Variants in GZF1 observed in about 807,000 individuals in gnomAD.
GZF1 encodes the protein GDNF-inducible zinc finger protein 1.
GZF1 carries 28 observed loss-of-function variants against 49.4 expected under a neutral mutation model. The ratio of observed to expected loss-of-function variants is 0.57; its 90% CI spans 0.42 to 0.78. The LOEUF is 0.78. GZF1 is among the 30% of genes least tolerant of loss of function. GZF1 has a pLI of 0.00. For missense variants in GZF1, 798 were observed against 916.2 expected, an observed-to-expected ratio of 0.87 and a Z score of 1.67; for synonymous variants, 364 against 356.0, an observed-to-expected ratio of 1.02 and a Z score of -0.25.
At position 23,372,119 on chromosome 20, in the gene GZF1, A is replaced by G. The variant is rs1235334225; in HGVS notation, c.*1678A>G. The G allele has an allele frequency of 6.5e-6, 1 of 152,684 alleles. No individual in the cohort carries two copies. The highest frequency in any genetic ancestry group is 1.5e-5 in the Non-Finnish European group (1 of 68,044). The allele number at this position is 152,684 out of a possible 1,614,324, so 9.5% of individuals were successfully genotyped here. On this transcript the variant is annotated 3_prime_UTR_variant, in exon 6 of 6. Transcript: ENST00000338121. Reference sequence around the variant, plus strand: ...CCCAGCTGATGTACTGTTTTATGGAATAAAGTCACTTGATCAGAAGGAATT... The same window carrying G: ...CCCAGCTGATGTACTGTTTTATGGAGTAAAGTCACTTGATCAGAAGGAATT...
intron 4 of GZF1, 152 bp from the exon 5 acceptor site, chr20:23,369,432 G>A: frequency 1.5e-6 from 1 of 646,856 alleles, no homozygotes; most frequent in South Asian, 2.5e-5. Flanking sequence ...TGGATTTGTA[G>A]CCCTTAAGTT....
At position 23,370,183 on chromosome 20, in the gene GZF1, C is replaced by T. The variant is rs762380490; in HGVS notation, c.1878C>T (p.Asp626=). The change falls in exon 6 of 6, where the codon GAC becomes GAT. Residue 626 remains aspartate (D), a synonymous_variant. Transcript: ENST00000338121. ...NDDGHKTEQP[D]EEYVSSKLSD... Reference sequence around the variant, plus strand: ...ACGGACACAAGACTGAACAGCCTGACGAAGAGTATGTGTCATCCAAGCTTT... The same window carrying T: ...ACGGACACAAGACTGAACAGCCTGATGAAGAGTATGTGTCATCCAAGCTTT... The T allele has an allele frequency of 1.5e-5, 25 of 1,614,062 alleles. No individual in the cohort carries two copies. The highest frequency in any genetic ancestry group is 1.9e-5 in the Non-Finnish European group (23 of 1,180,034).
Position 23,365,645 on chromosome 20 carries a change from C to T in GZF1, c.1262C>T (p.Ala421Val). ...QCGKGLSSKT[A>V]LRLHERTHTG... The stretch of plus-strand genomic sequence containing the variant: ...GGCAAGGGCCTGAGTTCCAAGACAG[C>T]GCTGCGGCTGCACGAGCGCACACAC... The change falls in exon 2 of 6, where the codon GCG becomes GTG. Residue 421 changes from alanine (A) to valine (V), a missense_variant. Around this residue, in one of 3 missense-constraint regions of GZF1, gnomAD observed 446 missense variants for 540.1 expected, o/e 0.83. Transcript: ENST00000338121. The T allele has an allele frequency of 6.2e-7, 1 of 1,602,590 alleles. No individual in the cohort carries two copies. Among genetic ancestry groups the T allele is most frequent in the Non-Finnish European group, 8.5e-7 (1 of 1,178,814 alleles).
chr20:23,371,090 C>T lies in GZF1; in HGVS notation c.*649C>T, dbSNP rs544784512. The T allele has an allele frequency of 6.5e-6, 1 of 152,814 alleles. No individual in the cohort carries two copies. Among genetic ancestry groups the T allele is most frequent in the East Asian group, 1.9e-4 (1 of 5,184 alleles). 9.5% of individuals were successfully genotyped at this position (152,814 alleles called of 1,614,324 possible). On this transcript the variant is annotated 3_prime_UTR_variant, in exon 6 of 6. Coordinates refer to ENST00000338121, the MANE Select transcript of GZF1 (RefSeq NM_022482.5). ...ACACCTGCAAAACTGCTAGCGTAAT[C>T]TCAGCACATACGCAGCTAGGAAGTT...
chr20:23,366,829 G>A (rs1981453413), intron 2 of GZF1, among the ~76,000 whole-genome samples, 174 bp from the exon 3 acceptor site: 2 of 152,194 alleles, frequency 1.3e-5, no homozygotes, highest in African/African-American at 4.8e-5. Flanking sequence ...CATTGACCTT[G>A]TGCAGAAACT....
chr20:23,367,207 A>T (rs1981500855), intron 3 of GZF1, 110 bp downstream of exon 3: 1 of 727,600 alleles, frequency 1.4e-6, no homozygotes, highest in Middle Eastern at 2.7e-4. Flanking sequence ...TAAAGCCATG[A>T]TATAGCTTTT....
Position 23,370,347 on chromosome 20 carries a change from C to A in GZF1, c.2042C>A (p.Thr681Asn), listed in dbSNP as rs138617042. 1.2e-3 allele frequency: 1,961 copies of A among 1,613,680 alleles called. 19 individuals are homozygous for A. The African/African-American group carries it at 0.023, about 19-fold the overall frequency. Residue 681 changes from threonine (T) to asparagine (N), a missense_variant, in exon 6 of 6, where the codon ACC becomes AAC. By Grantham distance (65) the Thr-to-Asn change is moderately conservative. Around this residue, in one of 3 missense-constraint regions of GZF1, gnomAD observed 446 missense variants for 540.1 expected, o/e 0.83. Coordinates refer to ENST00000338121, the MANE Select transcript of GZF1 (RefSeq NM_022482.5). ...GATGACTCCGTGGTGTCCCAGGACACCCTCCTGGCCACCACCATCAGTGAG... is the reference window on the plus strand; with the variant it reads ...GATGACTCCGTGGTGTCCCAGGACAACCTCCTGGCCACCACCATCAGTGAG... ...KADDSVVSQD[T>N]LLATTISELS...
At position 23,367,076 on chromosome 20, in the gene GZF1, T is replaced by C. The variant is rs1024225613; in HGVS notation, c.1438T>C (p.Tyr480His). 1 of 1,611,342 alleles carries C rather than the reference T, an allele frequency of 6.2e-7. No homozygotes were observed. Among genetic ancestry groups the C allele is most frequent in the Non-Finnish European group, 8.5e-7 (1 of 1,178,306 alleles). The change falls in exon 3 of 6, where the codon TAT (tyrosine) becomes CAT (histidine). Residue 480 changes from tyrosine (Y) to histidine (H), a missense_variant. By Grantham distance (83) the Tyr-to-His change is moderately conservative (BLOSUM62 2). Coordinates refer to ENST00000338121, the MANE Select transcript of GZF1 (RefSeq NM_022482.5). ...ARFTQNHMLI[Y>H]HKRCHTGERP... ...ATTCACTCAGAACCACATGCTGATT[T>C]ATCATAAAAGGTGTCACACAGGTAA...
rs1981148630 is a variant in GZF1 at position 23,365,085 on chromosome 20, G to A, written c.702G>A (p.Glu234=). Residue 234 remains glutamate, a synonymous_variant, in exon 2 of 6, where the codon GAG becomes GAA. Coordinates refer to ENST00000338121, the MANE Select transcript of GZF1 (RefSeq NM_022482.5). ...GRLAGRKVFV[E]IPKKKYTRRL... is the part of the protein sequence containing the mutation. ...TGGCTGGGAGGAAGGTCTTTGTGGAGATCCCTAAAAAGAAATATACGAGAA... is the reference window on the plus strand; with the variant it reads ...TGGCTGGGAGGAAGGTCTTTGTGGAAATCCCTAAAAAGAAATATACGAGAA... 2 of 1,614,034 alleles carry A rather than the reference G, an allele frequency of 1.2e-6. No individual in the cohort carries two copies. The highest frequency in any genetic ancestry group is 1.7e-6 in the Non-Finnish European group (2 of 1,180,042).
chr20:23,364,465 G>A lies in GZF1; in HGVS notation c.82G>A (p.Gly28Ser). Residue 28 changes from glycine (G) to serine (S), a missense_variant, in exon 2 of 6, where the codon GGT becomes AGT. Physicochemically the swap from Gly to Ser is moderately conservative, Grantham distance 56. This residue lies in a region of GZF1 where 105 missense variants were observed against 147.5 expected (regional missense o/e 0.71). Transcript: ENST00000338121. ...LHEMHELRLL[G>S]HLCDVTVSVE... is the part of the protein sequence containing the mutation. Reference sequence around the variant, plus strand: ...TGAGATGCATGAGCTTCGCCTCCTGGGTCACCTGTGTGACGTGACAGTCAG... The same window carrying A: ...TGAGATGCATGAGCTTCGCCTCCTGAGTCACCTGTGTGACGTGACAGTCAG... 1 of 1,614,170 alleles carries A rather than the reference G, an allele frequency of 6.2e-7. No homozygotes were observed. Among genetic ancestry groups the A allele is most frequent in the Non-Finnish European group, 8.5e-7 (1 of 1,180,006 alleles).
chr20:23,367,902 A>G (rs1267797770), intron 3 of GZF1, among the ~76,000 whole-genome samples: 1 of 152,196 alleles, frequency 6.6e-6, no homozygotes, highest in African/African-American at 2.4e-5. Flanking sequence ...TCTTACCTGT[A>G]AACACTGGCT....
chr20:23,363,725 G>C (rs1222435620), intron 1 of GZF1, among the ~76,000 whole-genome samples: 1 of 152,244 alleles, frequency 6.6e-6, no homozygotes, highest in African/African-American at 2.4e-5. Context: ...AATGGGTTCA[G>C]AGAAGTTGCT....
chr20:23,365,341 A>T lies in GZF1; in HGVS notation c.958A>T (p.Ser320Cys). 6.2e-7 allele frequency: 1 copy of T among 1,611,068 alleles called. No individual in the cohort carries two copies. The highest frequency in any genetic ancestry group is 8.5e-7 in the Non-Finnish European group (1 of 1,178,012). The change falls in exon 2 of 6, where the codon AGC becomes TGC. Residue 320 changes from serine to cysteine, a missense_variant. Ser to Cys is a moderately radical substitution (Grantham distance 112, BLOSUM62 -1). Around this residue, in one of 3 missense-constraint regions of GZF1, gnomAD observed 446 missense variants for 540.1 expected, o/e 0.83. Coordinates refer to ENST00000338121, the MANE Select transcript of GZF1 (RefSeq NM_022482.5). The part of the protein sequence containing the change: ...GEKKKSNFKC[S>C]ICEKAFLYEK... The stretch of plus-strand genomic sequence containing the variant: ...GAAGAAGAAGAGCAACTTTAAGTGC[A>T]GCATTTGCGAGAAGGCGTTTCTGTA...
chr20:23,370,408 C>T lies in GZF1; in HGVS notation c.2103C>T (p.Pro701=), dbSNP rs980978858. 3.0e-5 allele frequency: 48 copies of T among 1,613,084 alleles called. No individual in the cohort carries two copies. The East Asian group carries it at 1.0e-3, about 35-fold the overall frequency. Reference sequence around the variant, plus strand: ...TGACCCCACAGACAGACTCGATGCCCACACAGCTTCACTCTTTGAGCAACA... The same window carrying T: ...TGACCCCACAGACAGACTCGATGCCTACACAGCTTCACTCTTTGAGCAACA... ...SELTPQTDSM[P]TQLHSLSNME Residue 701 remains proline, a synonymous_variant, in exon 6 of 6, where the codon CCC becomes CCT. Coordinates refer to ENST00000338121, the MANE Select transcript of GZF1 (RefSeq NM_022482.5).
At chr20:23,369,961 G>A (rs183673104) in intron 5 of GZF1, 130 bp from the exon 6 acceptor site, 1 of 911,772 alleles carries the variant, frequency 1.1e-6, no homozygotes, top group Non-Finnish European at 1.7e-6. Context: ...CTCTGTAACA[G>A]TGAGGGTGGT....
intron 5 of GZF1, 32 bp downstream of exon 5, chr20:23,369,773 A>G: frequency 6.3e-7 from 1 of 1,587,146 alleles, no homozygotes; most frequent in Non-Finnish European, 8.6e-7. Flanking sequence ...TTGAGAAACA[A>G]GCTGCTGCCC....
chr20:23,361,606 C>G (rs549256971), upstream of GZF1, among the ~76,000 whole-genome samples: 1 of 152,318 alleles, frequency 6.6e-6, no homozygotes, highest in Admixed American at 6.5e-5. Flanking sequence ...GCGCCGAGCC[C>G]CGCCTGGCGC....
At chr20:23,365,771 G>A (rs1170921844) in intron 2 of GZF1, 24 bp downstream of exon 2, 22 of 1,494,332 alleles carry the variant, frequency 1.5e-5, no homozygotes, top group Admixed American at 6.7e-5. Context: ...CGTCCGGAGG[G>A]GTCCCTGCGC....
intron 1 of GZF1, among the ~76,000 whole-genome samples, chr20:23,363,974 T>C (rs901485932): frequency 2.0e-5 from 3 of 152,252 alleles, no homozygotes; most frequent in Non-Finnish European, 4.4e-5. Flanking sequence ...GTTTTAATTA[T>C]CTGGTTTCCT....
Sources: allele counts gnomAD v4.1 joint callset (sites outside exome capture counted in the v4.1 genomes callset), GRCh38; gene constraint gnomAD v4.1.1; regional missense constraint gnomAD v4.1.1; transcripts MANE v1.5; gene names NCBI Gene and HGNC (gene_info 2026-07-23, HGNC 2026-07-21).